Variants in ASMTL observed in about 807,000 individuals in gnomAD.
ASMTL encodes acetylserotonin O-methyltransferase like.
ASMTL carries 57 observed loss-of-function variants against 60.3 expected under a neutral mutation model. The observed-to-expected ratio is 0.95, with a 90% CI of 0.76 to 1.18. The LOEUF (loss-of-function observed/expected upper bound fraction) is 1.18. Ranked by LOEUF, ASMTL falls within the 50% of genes most tolerant of loss-of-function variation. The pLI, the probability that ASMTL is intolerant of heterozygous loss-of-function variation, is 0.00. For synonymous variants in ASMTL, 419 were observed against 373.0 expected (o/e 1.12, Z -1.42); for missense variants, 981 against 852.6 (o/e 1.15, Z -1.88).
chrX:1,403,386 C>T lies in ASMTL; in HGVS notation c.1749G>A (p.Lys583=). ...SLNMLVQTEG[K]ERSLGEYQCL... ...ACTGATACTCGCCCAGGCTCCGCTC[C>T]TTGCCTTCAGTCTGCACCAGCATGT... The change falls in exon 13 of 13, where the codon AAG becomes AAA. Residue 583 remains lysine, a synonymous_variant. Coordinates refer to ENST00000381317, the MANE Select transcript of ASMTL (RefSeq NM_004192.4). 5 of 1,613,508 alleles carry T rather than the reference C, an allele frequency of 3.1e-6. No individual in the cohort carries two copies. Among genetic ancestry groups the T allele is most frequent in the Non-Finnish European group, 4.2e-6 (5 of 1,179,870 alleles).
intron 7 of ASMTL, among the ~76,000 whole-genome samples, chrX:1,426,787 C>A (rs1433959258): frequency 6.6e-6 from 1 of 152,102 alleles, no homozygotes; most frequent in Non-Finnish European, 1.5e-5. Context: ...TTCTTAATTA[C>A]ATCTGCTAAG....
At chrX:1,405,352 G>A (rs182949942) in intron 12 of ASMTL, among the ~76,000 whole-genome samples, 1 of 147,304 alleles carries the variant, frequency 6.8e-6, no homozygotes, top group Non-Finnish European at 1.5e-5. Flanking sequence ...GATAGATGGA[G>A]GCATGGATGA....
intron 6 of ASMTL, among the ~76,000 whole-genome samples, chrX:1,431,279 AAAT>A (rs1435807404): frequency 1.5e-5 from 2 of 129,498 alleles, no homozygotes; most frequent in African/African-American, 5.8e-5. Context: ...ATTTATATAT[AAAT>A]AAAATTAAAT....
chrX:1,419,780 C>A (rs1376565712), intron 9 of ASMTL, among the ~76,000 whole-genome samples: 3 of 152,316 alleles, frequency 2.0e-5, no homozygotes, highest in African/African-American at 7.2e-5. Flanking sequence ...CGCGGGGGCT[C>A]CCCGGCCCTC....
At chrX:1,430,221 A>G (rs1452926247) in intron 6 of ASMTL, among the ~76,000 whole-genome samples, 1 of 152,028 alleles carries the variant, frequency 6.6e-6, no homozygotes, top group Non-Finnish European at 1.5e-5. Flanking sequence ...TGCCATATCC[A>G]GGCTGGTCTT....
intron 1 of ASMTL, among the ~76,000 whole-genome samples, chrX:1,445,833 T>C (rs1248763526): frequency 6.6e-6 from 1 of 152,062 alleles, no homozygotes; most frequent in East Asian, 1.9e-4. Flanking sequence ...CATACAGAGA[T>C]AGGAGCTGAG....
intron 3 of ASMTL, among the ~76,000 whole-genome samples, chrX:1,437,608 A>C (rs1185476797): frequency 1.3e-5 from 2 of 152,120 alleles, no homozygotes; most frequent in African/African-American, 4.8e-5. Context: ...TTATGAACAA[A>C]AGACATGGGC....
intron 4 of ASMTL, 129 bp from the exon 5 acceptor site, chrX:1,435,212 C>A: frequency 1.0e-6 from 1 of 975,290 alleles, no homozygotes; most frequent in East Asian, 2.5e-5. Flanking sequence ...ATCTTCTCCC[C>A]GATCGTCCCG....
Position 1,432,342 on chromosome X carries a change from C to A in ASMTL, c.436G>T (p.Glu146Ter). 1 of 1,613,246 alleles carries A rather than the reference C, an allele frequency of 6.2e-7. No homozygotes were observed. The highest frequency in any genetic ancestry group is 8.5e-7 in the Non-Finnish European group (1 of 1,179,750). The change falls in exon 6 of 13, where the codon GAG becomes TAG. Residue 146 changes from glutamate (E) to a stop codon, truncating the protein, a stop_gained. Coordinates refer to ENST00000381317, the MANE Select transcript of ASMTL (RefSeq NM_004192.4). LOFTEE classifies it high-confidence loss of function. ...TCCGAGAACTTCACCTTCGTTTCCT[C>A]GTAGAATTCCGAGACCCTGGTGTCC... ...QLDTRVSEFY[E>*]ETKVKFSELS... is the part of the protein sequence containing the mutation.
At chrX:1,444,383 A>G (rs2091189996) in intron 1 of ASMTL, among the ~76,000 whole-genome samples, 1 of 151,648 alleles carries the variant, frequency 6.6e-6, no homozygotes. Flanking sequence ...TAATTTTTGT[A>G]TTTTTAATAG....
chrX:1,426,529 G>A (rs1460928704), intron 7 of ASMTL, among the ~76,000 whole-genome samples: 4 of 152,130 alleles, frequency 2.6e-5, no homozygotes, highest in African/African-American at 7.2e-5. Context: ...GGCTGCCACC[G>A]TGAGGGGCCC....
Position 1,405,625 on chromosome X carries a change from A to G in ASMTL, c.1646-2136T>C, listed in dbSNP as rs1200414493. 1.1e-3 allele frequency among the ~76,000 whole-genome samples: 132 copies of G among 120,330 alleles called. 1 individual carries two copies. Among genetic ancestry groups the G allele is most frequent in the Non-Finnish European group, 1.3e-3 (74 of 56,900 alleles). 78.9% of individuals were successfully genotyped at this position (120,330 alleles called of 152,430 possible). A position where few individuals can be genotyped will look rare whatever the true frequency, so the allele number is the denominator to read the frequency against. On this transcript the variant is annotated intron_variant, in intron 12 of 12. Transcript: ENST00000381317. ...TAGATGATGGGTAGGTAGATAGATG[A>G]ATGGATGGATAGATGGATGCATGGA...
At chrX:1,426,101 G>A (rs1329202599) in intron 7 of ASMTL, among the ~76,000 whole-genome samples, 8 of 152,008 alleles carry the variant, frequency 5.3e-5, no homozygotes, top group Non-Finnish European at 8.8e-5. Context: ...ATAAGAAAAG[G>A]AGATGAGGAC....
intron 11 of ASMTL, chrX:1,414,075 A>C (rs2090144517): frequency 6.7e-6 from 1 of 149,876 alleles, no homozygotes; most frequent in Non-Finnish European, 1.5e-5. Flanking sequence ...CCCTAAATGC[A>C]ATGGCAGGTG....
At position 1,450,476 on chromosome X, in the gene ASMTL, G is replaced by A. The variant is rs759304977; in HGVS notation, c.93+2272C>T. On this transcript the variant is annotated intron_variant, in intron 1 of 12. Transcript: ENST00000381317. ...ACTCTCCCCTCCCCCATTCCTAGGG[G>A]TCTTGGATTACTCTCCCCTCCCTTA... is the stretch of plus-strand genomic sequence containing the variant. 2.1e-4 allele frequency among the ~76,000 whole-genome samples: 31 copies of A among 146,460 alleles called. 1 individual carries two copies. In the South Asian group the frequency reaches 5.9e-3, roughly 28 times the overall value.
intron 2 of ASMTL, among the ~76,000 whole-genome samples, chrX:1,439,486 C>G (rs1441263147): frequency 6.6e-6 from 1 of 152,150 alleles, no homozygotes; most frequent in Non-Finnish European, 1.5e-5. Flanking sequence ...TCAGGGGCCC[C>G]AAACCTCCCT....
intron 5 of ASMTL, among the ~76,000 whole-genome samples, chrX:1,434,736 A>G (rs1400890745): frequency 6.7e-6 from 1 of 150,030 alleles, no homozygotes; most frequent in Non-Finnish European, 1.5e-5. Context: ...CGGAGGTTGC[A>G]GTGAGCTGAG....
chrX:1,436,046 G>A (rs1296108943), intron 3 of ASMTL, among the ~76,000 whole-genome samples: 5 of 152,046 alleles, frequency 3.3e-5, no homozygotes, highest in Admixed American at 1.3e-4. Flanking sequence ...TTCTTTCACC[G>A]TGCGTTTGCC....
At chrX:1,413,367 C>T (rs2090110881) in intron 11 of ASMTL, among the ~76,000 whole-genome samples, 2 of 152,096 alleles carry the variant, frequency 1.3e-5, no homozygotes, top group African/African-American at 4.8e-5. Context: ...AGGAAAAAAG[C>T]AGGGAATTCA....
Sources: gnomAD v4.1 joint callset for allele counts (sites outside exome capture counted in the v4.1 genomes callset) on GRCh38, gnomAD v4.1.1 for gene constraint, MANE v1.5 for transcripts, NCBI Gene and HGNC (gene_info 2026-07-23, HGNC 2026-07-21) for gene names.